Variants in EYA4 observed in about 807,000 individuals in gnomAD.
EYA4 encodes protein phosphatase EYA4.
Under a neutral mutation model 87.9 loss-of-function variants are expected in EYA4, and 31 were observed. That is an observed-to-expected ratio of 0.35 (90% CI 0.27 to 0.48). The LOEUF is 0.48. Among genes scored for constraint, EYA4 ranks in the 20% least tolerant of loss-of-function variants. EYA4 has a pLI of 0.99. For synonymous variants in EYA4, 263 were observed against 270.6 expected (o/e 0.97, Z 0.28); for missense variants, 678 against 761.4 (o/e 0.89, Z 1.29).
intron 3 of EYA4, among the ~76,000 whole-genome samples, chr6:133,434,307 T>C (rs1791451820): frequency 6.6e-6 from 1 of 152,212 alleles, no homozygotes; most frequent in African/African-American, 2.4e-5. Context: ...AACTTTCTGA[T>C]AGTATAAGTT....
At chr6:133,485,393 G>A (rs1417014995) in intron 13 of EYA4, among the ~76,000 whole-genome samples, 1 of 152,158 alleles carries the variant, frequency 6.6e-6, no homozygotes, top group Non-Finnish European at 1.5e-5. Context: ...CGCCAGGCAG[G>A]AAGCATCCCA....
intron 3 of EYA4, among the ~76,000 whole-genome samples, chr6:133,389,005 C>T (rs192189786): frequency 6.6e-6 from 1 of 152,144 alleles, no homozygotes; most frequent in Non-Finnish European, 1.5e-5. Flanking sequence ...CTGCTACTTG[C>T]CTCTCTCCAC....
At chr6:133,248,023 G>A (rs1582735523) in intron 1 of EYA4, 1 of 152,098 alleles carries the variant, frequency 6.6e-6, no homozygotes, top group African/African-American at 2.4e-5. Flanking sequence ...TATAACTTGA[G>A]TATCCGTATT....
chr6:133,319,650 G>T (rs973937144), intron 2 of EYA4, among the ~76,000 whole-genome samples: 1 of 149,972 alleles, frequency 6.7e-6, no homozygotes, highest in Non-Finnish European at 1.5e-5. Flanking sequence ...ATTGTTTTGC[G>T]TGATTTTGTT....
intron 3 of EYA4, among the ~76,000 whole-genome samples, chr6:133,440,046 A>G (rs1468069766): frequency 6.6e-6 from 1 of 152,222 alleles, no homozygotes; most frequent in Admixed American, 6.5e-5. Context: ...TGCGCCATCT[A>G]AACAATTGTT....
At chr6:133,518,984 C>T (rs879670508) in intron 17 of EYA4, among the ~76,000 whole-genome samples, 9 of 150,348 alleles carry the variant, frequency 6.0e-5, no homozygotes, top group African/African-American at 1.2e-4. Context: ...ATCTCTGGGA[C>T]GCATTCAAAG....
At chr6:133,436,289 C>G (rs1364826119) in intron 3 of EYA4, among the ~76,000 whole-genome samples, 2 of 151,926 alleles carry the variant, frequency 1.3e-5, no homozygotes, top group Non-Finnish European at 2.9e-5. Flanking sequence ...CTCCCCTTAC[C>G]TAGCCCCTTG....
At chr6:133,323,087 T>TGTGTGA (rs927213034) in intron 2 of EYA4, among the ~76,000 whole-genome samples, 1 of 151,888 alleles carries the variant, frequency 6.6e-6, no homozygotes, top group African/African-American at 2.4e-5. Flanking sequence ...TGTGTGTGTG[T>TGTGTGA]GTGTGTGTTT....
chr6:133,363,565 C>A (rs527241968), intron 2 of EYA4, among the ~76,000 whole-genome samples: 1 of 151,794 alleles, frequency 6.6e-6, no homozygotes, highest in Non-Finnish European at 1.5e-5. Context: ...GGCTCCGCCT[C>A]CCGGGTTCAC....
intron 1 of EYA4, among the ~76,000 whole-genome samples, chr6:133,270,103 C>G (rs944336057): frequency 6.6e-6 from 1 of 152,158 alleles, no homozygotes; most frequent in Non-Finnish European, 1.5e-5. Flanking sequence ...CTTCTTCAGC[C>G]CACTGACTCA....
intron 18 of EYA4, among the ~76,000 whole-genome samples, chr6:133,524,683 C>A (rs1800474374): frequency 6.6e-6 from 1 of 152,096 alleles, no homozygotes; most frequent in South Asian, 2.1e-4. Context: ...CTTGTCTATG[C>A]TACTTAAAAT....
At chr6:133,328,255 G>GAAC (rs1235056612) in intron 2 of EYA4, among the ~76,000 whole-genome samples, 1 of 152,054 alleles carries the variant, frequency 6.6e-6, no homozygotes, top group African/African-American at 2.4e-5. Context: ...AAGACACTTA[G>GAAC]AACACTTAAA....
intron 2 of EYA4, among the ~76,000 whole-genome samples, chr6:133,363,755 G>A (rs779469768): frequency 5.3e-4 from 81 of 152,210 alleles, no homozygotes; most frequent in Non-Finnish European, 7.8e-4. Flanking sequence ...GATTACAGGC[G>A]TGACCCACCG....
rs997706619 is a variant in EYA4, at chr6:133,260,865, T to C, written c.-65-13851T>C. 3.9e-5 allele frequency among the ~76,000 whole-genome samples: 6 copies of C among 152,320 alleles called. 1 individual carries two copies. Among genetic ancestry groups the C allele is most frequent in the Admixed American group, 3.3e-4 (5 of 15,302 alleles). On this transcript the variant is annotated intron_variant, in intron 1 of 19. Coordinates refer to ENST00000355286, the MANE Select transcript of EYA4 (RefSeq NM_004100.5). ...CCCTCCAATAAATGTGACAAACTTT[T>C]TAGACTCCTTCCTCTGTGGATTGCC...
chr6:133,495,399 AATAAAT>A (rs1336430186), intron 13 of EYA4, among the ~76,000 whole-genome samples: 2 of 148,246 alleles, frequency 1.3e-5, no homozygotes. Context: ...TTTATTTATA[AATAAAT>A]ATAAAGAAAT....
At chr6:133,453,966 CCTT>C (rs912558707) in intron 5 of EYA4, among the ~76,000 whole-genome samples, 4 of 152,074 alleles carry the variant, frequency 2.6e-5, no homozygotes, top group African/African-American at 9.7e-5. Flanking sequence ...CTCACTCTCT[CCTT>C]CTTCTTTCTC....
At chr6:133,473,062 A>G (rs1242321331) in intron 11 of EYA4, among the ~76,000 whole-genome samples, 1 of 152,030 alleles carries the variant, frequency 6.6e-6, no homozygotes, top group African/African-American at 2.4e-5. Context: ...AAAATTCACT[A>G]AGAAAAATTA....
chr6:133,266,430 A>G lies in EYA4; in HGVS notation c.-65-8286A>G, dbSNP rs1425536833. Among the ~76,000 whole-genome samples the G allele has an allele frequency of 2.6e-5, 4 of 152,300 alleles. No individual in the cohort carries two copies. In the East Asian group the frequency reaches 5.8e-4, roughly 22 times the overall value. On this transcript the variant is annotated intron_variant, in intron 1 of 19. Coordinates refer to ENST00000355286, the MANE Select transcript of EYA4 (RefSeq NM_004100.5). ...CATAAATCTGCCAGCACCTTGATTT[A>G]GGACTTCTTTCCTCCAGAACTGTGA...
intron 3 of EYA4, among the ~76,000 whole-genome samples, chr6:133,385,874 A>G (rs1786706240): frequency 6.6e-6 from 1 of 152,216 alleles, no homozygotes; most frequent in African/African-American, 2.4e-5. Flanking sequence ...CCCATGCAGT[A>G]TAAGTACGGC....
Sources: allele counts gnomAD v4.1 joint callset (sites outside exome capture counted in the v4.1 genomes callset), GRCh38; gene constraint gnomAD v4.1.1; transcripts MANE v1.5; gene names NCBI Gene and HGNC (gene_info 2026-07-23, HGNC 2026-07-21).